The following ANKS3 variants were observed in gnomAD, a reference collection of about 807,000 sequenced individuals.
ANKS3 encodes the protein ankyrin repeat and SAM domain-containing protein 3.
ANKS3 carries 62 observed loss-of-function variants against 80.7 expected under a neutral mutation model. The observed-to-expected ratio is 0.77, with a 90% confidence interval of 0.63 to 0.95. The LOEUF (loss-of-function observed/expected upper bound fraction) is 0.95. ANKS3 is among the 40% of genes least tolerant of loss of function. The pLI is 0.00. For synonymous variants in ANKS3, 489 were observed against 355.3 expected, an observed-to-expected ratio of 1.38 and a Z score of -4.23; for missense variants, 1,150 against 883.6, an observed-to-expected ratio of 1.30 and a Z score of -3.82.
chr16:4,697,372 C>T lies in ANKS3; in HGVS notation c.1855G>A (p.Glu619Lys), dbSNP rs187743929. Residue 619 changes from glutamate to lysine, a missense_variant, in exon 16 of 18, where the codon GAG becomes AAG. Transcript: ENST00000304283. Reference sequence around the variant, plus strand: ...CGGTCCTCCAGGGCTCCCGAGAGCTCGGGGAGGCTCATGGCCTGCAGGGAC... The same window carrying T: ...CGGTCCTCCAGGGCTCCCGAGAGCTTGGGGAGGCTCATGGCCTGCAGGGAC... The part of the protein sequence containing the change: ...QASLQAMSLP[E>K]LSGALEDRVR... The T allele has an allele frequency of 4.3e-5, 70 of 1,610,360 alleles. 1 individual carries two copies. The South Asian group carries it at 4.9e-4, about 11-fold the overall frequency.
intron 7 of ANKS3, among the ~76,000 whole-genome samples, chr16:4,707,791 C>G (rs962048710): frequency 6.6e-6 from 1 of 152,120 alleles, no homozygotes; most frequent in Non-Finnish European, 1.5e-5. Context: ...AATACAACTT[C>G]TCAAGCAAAA....
intron 8 of ANKS3, among the ~76,000 whole-genome samples, chr16:4,704,473 G>C (rs1342218469): frequency 6.6e-6 from 1 of 152,164 alleles, no homozygotes; most frequent in East Asian, 1.9e-4. Context: ...GCAATAGAGA[G>C]TAGGCACCAA....
chr16:4,719,087 C>T (rs556826544), intron 6 of ANKS3, among the ~76,000 whole-genome samples: 3 of 152,274 alleles, frequency 2.0e-5, no homozygotes, highest in East Asian at 1.9e-4. Flanking sequence ...GTAATCCCAG[C>T]GCTTTGGGAG....
intron 7 of ANKS3, among the ~76,000 whole-genome samples, chr16:4,706,096 T>C (rs2142053763): frequency 6.6e-6 from 1 of 152,028 alleles, no homozygotes; most frequent in South Asian, 2.1e-4. Flanking sequence ...TGGGGTTTCA[T>C]CATATTAGGC....
Position 4,701,131 on chromosome 16 carries a change from A to G in ANKS3, c.1123T>C (p.Ser375Pro), listed in dbSNP as rs768524954. Residue 375 changes from serine (S) to proline (P), a missense_variant, in exon 11 of 18, where the codon TCG becomes CCG. Physicochemically the swap from Ser to Pro is moderately conservative, Grantham distance 74 (BLOSUM62 -1). Coordinates refer to ENST00000304283, the MANE Select transcript of ANKS3 (RefSeq NM_133450.4). The part of the protein sequence containing the change: ...SEASVESNED[S>P]DHACKSSARK... Reference sequence around the variant, plus strand: ...GCTGAGCTTTTACAGGCATGATCCGAGTCCTGCAGTGAGAGGCGTGCATCT... The same window carrying G: ...GCTGAGCTTTTACAGGCATGATCCGGGTCCTGCAGTGAGAGGCGTGCATCT... The G allele has an allele frequency of 6.2e-7, 1 of 1,613,862 alleles. No homozygotes were observed. Among genetic ancestry groups the G allele is most frequent in the South Asian group, 1.1e-5 (1 of 91,084 alleles).
Position 4,702,083 on chromosome 16 carries a change from T to C in ANKS3, c.1009+19A>G, listed in dbSNP as rs1403495806. The stretch of plus-strand genomic sequence containing the variant: ...GGACCTGCCTGAGCCACGGGCCGGA[T>C]GGGTGGGGGTGCACGTACCCCGACT... On this transcript the variant is annotated intron_variant, in intron 9 of 17. Transcript: ENST00000304283. The C allele has an allele frequency of 6.4e-7, 1 of 1,561,542 alleles. No homozygotes were observed. Among genetic ancestry groups the C allele is most frequent in the Non-Finnish European group, 8.6e-7 (1 of 1,159,694 alleles).
intron 12 of ANKS3, 37 bp downstream of exon 12, chr16:4,699,015 C>T (rs1313606221): frequency 6.2e-7 from 1 of 1,614,140 alleles, no homozygotes; most frequent in Non-Finnish European, 8.5e-7. Flanking sequence ...TTGCCCCAAC[C>T]CCGGGCTGAG....
chr16:4,714,688 T>C (rs1045223973), intron 6 of ANKS3, among the ~76,000 whole-genome samples: 1 of 152,240 alleles, frequency 6.6e-6, no homozygotes, highest in Admixed American at 6.5e-5. Context: ...GAAAAGGCTT[T>C]AGTGCACAAA....
chr16:4,710,818 G>A (rs188987610), intron 7 of ANKS3, among the ~76,000 whole-genome samples: 344 of 152,304 alleles, frequency 2.3e-3, no homozygotes, highest in African/African-American at 7.7e-3. Context: ...ACTTTTCTTT[G>A]AGATGGAGTC....
intron 7 of ANKS3, among the ~76,000 whole-genome samples, chr16:4,713,138 G>A (rs1307019160): frequency 1.3e-5 from 2 of 152,090 alleles, no homozygotes; most frequent in Admixed American, 6.6e-5. Context: ...GGGCATGGTG[G>A]TGCACGCCTG....
intron 2 of ANKS3, chr16:4,730,394 T>A (rs1239567945): frequency 2.7e-6 from 1 of 370,294 alleles, no homozygotes; most frequent in Non-Finnish European, 4.8e-6. Context: ...GGTGAGGCAT[T>A]AACTGTGGAG....
chr16:4,727,293 G>C, intron 3 of ANKS3, 116 bp from the exon 4 acceptor site: 1 of 1,048,982 alleles, frequency 9.5e-7, no homozygotes, highest in East Asian at 2.5e-5. Context: ...GAAGTTATCT[G>C]CCACCCTGGA....
intron 7 of ANKS3, among the ~76,000 whole-genome samples, chr16:4,710,468 G>A (rs2080424991): frequency 1.3e-5 from 2 of 152,196 alleles, no homozygotes; most frequent in Admixed American, 1.3e-4. Context: ...AGCACTTTGG[G>A]AGGCTGAGGC....
At position 4,730,128 on chromosome 16, in the gene ANKS3, C is replaced by G; in HGVS notation, c.22G>C (p.Ala8Pro). ...CGGTTCAGGAGTTCCGGCTCGCTGGCTTCATCGCTGAGCTCGGACATCACT... is the reference window on the plus strand; with the variant it reads ...CGGTTCAGGAGTTCCGGCTCGCTGGGTTCATCGCTGAGCTCGGACATCACT... The part of the protein sequence containing the change: MSELSDE[A>P]SEPELLNRSL... The change falls in exon 3 of 18, where the codon GCC (alanine) becomes CCC (proline). Residue 8 changes from alanine to proline, a missense_variant. Transcript: ENST00000304283. 2 of 1,579,984 alleles carry G rather than the reference C, an allele frequency of 1.3e-6. No homozygotes were observed. The highest frequency in any genetic ancestry group is 1.1e-5 in the South Asian group (1 of 87,090).
chr16:4,720,566 C>A (rs1202491156), intron 6 of ANKS3, among the ~76,000 whole-genome samples: 1 of 151,456 alleles, frequency 6.6e-6, no homozygotes, highest in Admixed American at 6.6e-5. Context: ...ACCCACCTCA[C>A]ACAACAAAGA....
chr16:4,705,139 A>T lies in ANKS3; in HGVS notation c.824T>A (p.Ile275Asn). ...TCTGCCGCCCAGGCCAATGCCTGTG[A>T]TCCTGGCCAGGGCTCGCGGTCCCTC... ...IHEGPRALAR[I>N]TGIGLGGRAP... Residue 275 changes from isoleucine to asparagine, a missense_variant, in exon 8 of 18, where the codon ATC becomes AAC. Ile to Asn is a moderately radical substitution (Grantham distance 149). Coordinates refer to ENST00000304283, the MANE Select transcript of ANKS3 (RefSeq NM_133450.4). 6.2e-7 allele frequency: 1 copy of T among 1,613,456 alleles called. No individual in the cohort carries two copies. The highest frequency in any genetic ancestry group is 8.5e-7 in the Non-Finnish European group (1 of 1,180,026).
At chr16:4,704,635 G>C (rs1567330945) in intron 8 of ANKS3, among the ~76,000 whole-genome samples, 1 of 152,200 alleles carries the variant, frequency 6.6e-6, no homozygotes, top group East Asian at 1.9e-4. Flanking sequence ...TCTCAGGAGG[G>C]TCTGAGTACA....
At chr16:4,720,865 A>G (rs911406251) in intron 6 of ANKS3, among the ~76,000 whole-genome samples, 2 of 150,498 alleles carry the variant, frequency 1.3e-5, no homozygotes, top group Non-Finnish European at 3.0e-5. Context: ...TGAACCTGGG[A>G]GGCAGAGGTT....
intron 3 of ANKS3, among the ~76,000 whole-genome samples, chr16:4,728,726 G>A (rs909354894): frequency 6.6e-6 from 1 of 152,076 alleles, no homozygotes; most frequent in Non-Finnish European, 1.5e-5. Flanking sequence ...GCTCCTCTAT[G>A]GAGCGGTTAT....
Sources: allele counts gnomAD v4.1 joint callset (sites outside exome capture counted in the v4.1 genomes callset), GRCh38; gene constraint gnomAD v4.1.1; transcripts MANE v1.5; gene names NCBI Gene and HGNC (gene_info 2026-07-23, HGNC 2026-07-21).